Variants in SIK3 observed in about 807,000 individuals in gnomAD.
SIK3 encodes the protein serine/threonine-protein kinase SIK3.
Under a neutral mutation model 144.2 loss-of-function variants are expected in SIK3, and 28 were observed. The observed-to-expected ratio is 0.19, with a 90% CI of 0.14 to 0.27. The LOEUF (loss-of-function observed/expected upper bound fraction) is 0.27. Ranked by LOEUF, SIK3 falls within the 10% of genes least tolerant of loss-of-function variation. SIK3 has a pLI of 1.00. For synonymous variants in SIK3, 686 were observed against 676.3 expected, an observed-to-expected ratio of 1.01 and a Z score of -0.22; for missense variants, 1,319 against 1,776.0, an observed-to-expected ratio of 0.74 and a Z score of 4.62.
intron 1 of SIK3, among the ~76,000 whole-genome samples, chr11:117,061,807 AATATT>A (rs1398650661): frequency 1.3e-5 from 2 of 152,234 alleles, no homozygotes; most frequent in Non-Finnish European, 2.9e-5. Context: ...AATAAGCAGA[AATATT>A]AGAAGAGTCC....
intron 5 of SIK3, 63 bp downstream of exon 5, chr11:116,897,129 CG>C: frequency 1.3e-6 from 2 of 1,529,126 alleles, no homozygotes; most frequent in Non-Finnish European, 1.8e-6. Context: ...CTTCAGGATG[CG>C]AATAGCTGTC....
intron 1 of SIK3, among the ~76,000 whole-genome samples, chr11:117,008,963 G>A (rs117901629): frequency 0.045 from 6,808 of 152,112 alleles, 219 homozygotes; most frequent in Middle Eastern, 0.11. Flanking sequence ...AGCCAGGTGC[G>A]GTGGCTCACA....
chr11:117,049,497 G>T (rs560329887), intron 1 of SIK3, among the ~76,000 whole-genome samples: 10 of 152,066 alleles, frequency 6.6e-5, no homozygotes, highest in African/African-American at 2.2e-4. Flanking sequence ...AGAATGGCTT[G>T]AACCTGGAAG....
chr11:116,950,956 A>T (rs1414986007), intron 3 of SIK3, among the ~76,000 whole-genome samples: 1 of 152,124 alleles, frequency 6.6e-6, no homozygotes, highest in Admixed American at 6.6e-5. Context: ...AATAGTTTTC[A>T]CTTGTTTCAG....
At chr11:116,927,546 C>A (rs1214426335) in intron 3 of SIK3, among the ~76,000 whole-genome samples, 166 bp from the exon 4 acceptor site, 1 of 152,202 alleles carries the variant, frequency 6.6e-6, no homozygotes, top group Non-Finnish European at 1.5e-5. Context: ...TATCAAAATT[C>A]ATTAGTAATA....
chr11:117,013,681 T>C (rs906747748), intron 1 of SIK3, among the ~76,000 whole-genome samples: 27 of 151,822 alleles, frequency 1.8e-4, no homozygotes, highest in African/African-American at 5.8e-4. Flanking sequence ...TGGCTAAAAA[T>C]GTATACTTTT....
intron 1 of SIK3, among the ~76,000 whole-genome samples, chr11:116,959,465 G>T (rs1215668108): frequency 6.6e-6 from 1 of 152,182 alleles, no homozygotes; most frequent in Non-Finnish European, 1.5e-5. Context: ...ATAACAGAGG[G>T]CATCAACTGT....
chr11:116,898,524 G>C (rs1451448655), intron 4 of SIK3, among the ~76,000 whole-genome samples: 2 of 152,060 alleles, frequency 1.3e-5, no homozygotes, highest in South Asian at 2.1e-4. Context: ...GGTATTTCTA[G>C]TTCTAGATCC....
intron 3 of SIK3, among the ~76,000 whole-genome samples, chr11:116,930,869 T>C (rs1392280410): frequency 6.6e-6 from 1 of 151,552 alleles, no homozygotes; most frequent in Admixed American, 6.6e-5. Context: ...CAACTACTTA[T>C]CTATTTAGTT....
rs141714992 is a variant in SIK3 at position 116,929,766 on chromosome 11, C to T, written c.455-2386G>A. ...TAAGAGTATCATACGTTAAAACTTT[C>T]ACTTTCAAAGATGTTGCAAAAGACA... is the stretch of plus-strand genomic sequence containing the variant. On this transcript the variant is annotated intron_variant, in intron 3 of 24. Coordinates refer to ENST00000445177, the MANE Select transcript of SIK3 (RefSeq NM_001366686.3). 1.9e-3 allele frequency among the ~76,000 whole-genome samples: 294 copies of T among 152,348 alleles called. 1 individual carries two copies. Among genetic ancestry groups the T allele is most frequent in the South Asian group, 6.8e-3 (33 of 4,830 alleles).
At chr11:116,908,542 C>A (rs532308511) in intron 4 of SIK3, among the ~76,000 whole-genome samples, 1 of 151,914 alleles carries the variant, frequency 6.6e-6, no homozygotes, top group Non-Finnish European at 1.5e-5. Flanking sequence ...AAACAAAGGA[C>A]TTGTATCCAG....
chr11:116,892,879 T>G (rs1252393268), intron 6 of SIK3, among the ~76,000 whole-genome samples: 2 of 152,186 alleles, frequency 1.3e-5, no homozygotes, highest in Non-Finnish European at 2.9e-5. Context: ...TATTCAGTGC[T>G]AAAAAGAAAC....
At chr11:117,026,095 C>T (rs73594162) in intron 1 of SIK3, among the ~76,000 whole-genome samples, 8,594 of 152,246 alleles carry the variant, frequency 0.056, 523 homozygotes, top group African/African-American at 0.15. Flanking sequence ...AAAGGATATA[C>T]AGTCGTGCAC....
chr11:116,961,893 T>A (rs1316758224), intron 1 of SIK3, among the ~76,000 whole-genome samples: 3 of 152,188 alleles, frequency 2.0e-5, no homozygotes, highest in African/African-American at 7.2e-5. Flanking sequence ...AGGAAAAAAA[T>A]TAAATTTAGA....
chr11:117,047,591 T>C (rs954016584), intron 1 of SIK3, among the ~76,000 whole-genome samples: 5 of 152,232 alleles, frequency 3.3e-5, no homozygotes, highest in East Asian at 1.9e-4. Flanking sequence ...TTTGAGATCA[T>C]GGTTCTAAAG....
chr11:117,061,164 T>C (rs995735613), intron 1 of SIK3, among the ~76,000 whole-genome samples: 2 of 152,098 alleles, frequency 1.3e-5, no homozygotes, highest in African/African-American at 4.8e-5. Context: ...GGAAGATGGC[T>C]TGAGCCCAGA....
intron 1 of SIK3, 42 bp downstream of exon 1, chr11:117,098,101 C>T (rs749772321): frequency 1.4e-6 from 2 of 1,386,442 alleles, no homozygotes; most frequent in East Asian, 3.6e-5. Flanking sequence ...CCTCTCCCGG[C>T]CCCGCCACGC....
Position 116,858,060 on chromosome 11 carries a change from C to T in SIK3, c.3405G>A (p.Pro1135=), listed in dbSNP as rs532261405. 28 of 1,613,624 alleles carry T rather than the reference C, an allele frequency of 1.7e-5. No individual in the cohort carries two copies. Among genetic ancestry groups the T allele is most frequent in the African/African-American group, 9.3e-5 (7 of 75,036 alleles). Residue 1135 remains proline (P), a synonymous_variant, in exon 21 of 25, where the codon CCG becomes CCA. Coordinates refer to ENST00000445177, the MANE Select transcript of SIK3 (RefSeq NM_001366686.3). This position sits in a 1 kb window ranked among gnomAD's most constrained non-coding sequence, Gnocchi z 5.4. ...PTPPHGYAHQ[P]ALMHSESMEE... ...CCATGCTCTCTGAATGCATCAGTGC[C>T]GGCTGGTGAGCATACCCGTGGGGCG...
Position 117,036,691 on chromosome 11 carries a change from A to G in SIK3, c.273+61452T>C, listed in dbSNP as rs1350242561. Among the ~76,000 whole-genome samples the G allele has an allele frequency of 4.6e-5, 7 of 152,338 alleles. No individual in the cohort carries two copies. In the East Asian group the frequency reaches 1.2e-3, roughly 25 times the overall value. On this transcript the variant is annotated intron_variant, in intron 1 of 24. Transcript: ENST00000445177. ...AATTCTTCCAGAACTGCTACATGTC[A>G]CCAAATCAAAGCCAGTGTGAAAAAT...
Sources: gnomAD v4.1 joint callset for allele counts (sites outside exome capture counted in the v4.1 genomes callset) on GRCh38, gnomAD v4.1.1 for gene constraint, Gnocchi (gnomAD v3.1) non-coding constraint, MANE v1.5 for transcripts, NCBI Gene and HGNC (gene_info 2026-07-23, HGNC 2026-07-21) for gene names.